Variants in KIF22 observed in about 807,000 individuals in gnomAD.
KIF22 encodes kinesin-like protein KIF22.
A neutral mutation model predicts 73.0 loss-of-function variants in KIF22; 62 were observed. That is an observed-to-expected ratio of 0.85 (90% CI 0.69 to 1.05). KIF22 has a LOEUF of 1.05. Among genes scored for constraint, KIF22 ranks in the 50% least tolerant of loss-of-function variants. KIF22 has a pLI of 0.00. For synonymous variants in KIF22, 411 were observed against 340.1 expected (o/e 1.21, Z -2.29); for missense variants, 854 against 870.1 (o/e 0.98, Z 0.23).
intron 1 of KIF22, chr16:29,792,545 G>A: frequency 3.5e-6 from 1 of 284,902 alleles, no homozygotes; most frequent in Non-Finnish European, 5.3e-6. Flanking sequence ...TCTCACAGTT[G>A]GCAGTCAGGT....
chr16:29,799,810 A>G (rs1016053705), intron 7 of KIF22, 29 bp downstream of exon 7: 2 of 1,613,506 alleles, frequency 1.2e-6, no homozygotes, highest in Admixed American at 3.3e-5. Flanking sequence ...AGGAGTGGAA[A>G]CGCTGGGTCT....
rs1228119141 is a variant in KIF22, at chr16:29,798,386, C to T, written c.279C>T (p.Phe93=). The change falls in exon 3 of 14, where the codon TTC becomes TTT. Residue 93 remains phenylalanine (F), a synonymous_variant. Coordinates refer to ENST00000160827, the MANE Select transcript of KIF22 (RefSeq NM_007317.3). This position sits in a 1 kb window ranked among gnomAD's most constrained non-coding sequence, Gnocchi z 4.1. ...TTTCTTCCTGCAGGTTTGATGCCTT[C>T]TATGGGGAGAGGAGTACTCAGCAGG... The part of the protein sequence containing the change: ...QETLKYQFDA[F]YGERSTQQDI... 2 of 1,450,812 alleles carry T rather than the reference C, an allele frequency of 1.4e-6. No homozygotes were observed. Among genetic ancestry groups the T allele is most frequent in the South Asian group, 1.1e-5 (1 of 89,224 alleles). 89.9% of individuals were successfully genotyped at this position (1,450,812 alleles called of 1,614,324 possible).
chr16:29,803,700 T>C lies in KIF22; in HGVS notation c.1609+92T>C, dbSNP rs1194699415. Reference sequence around the variant, plus strand: ...AGCAGCTGTCTCCATGTCATTCATATTCTCCCACCACATACCAGTCCCAGG... The same window carrying C: ...AGCAGCTGTCTCCATGTCATTCATACTCTCCCACCACATACCAGTCCCAGG... On this transcript the variant is annotated intron_variant, in intron 10 of 13. Coordinates refer to ENST00000160827, the MANE Select transcript of KIF22 (RefSeq NM_007317.3). The C allele has an allele frequency of 5.5e-6, 6 of 1,085,128 alleles. No individual in the cohort carries two copies. In the African/African-American group the frequency reaches 9.5e-5, roughly 17 times the overall value. The allele number at this position is 1,085,128 out of a possible 1,614,324, so 67.2% of individuals were successfully genotyped here. A position where few individuals can be genotyped will look rare whatever the true frequency, so the allele number is the denominator to read the frequency against.
Position 29,798,233 on chromosome 16 carries a change from A to AG in KIF22, c.267-137dup. ...GCTTTTTAAGGTCTTTGTACAAGAA[A>AG]GGGGATAGAGACGTTCTCTTAAATC... On this transcript the variant is annotated intron_variant, in intron 2 of 13. Transcript: ENST00000160827. The surrounding 1 kb of genome is among the most constrained non-coding windows in gnomAD (Gnocchi z 4.1). 1 of 1,442,814 alleles carries AG rather than the reference A, an allele frequency of 6.9e-7. No individual in the cohort carries two copies. The highest frequency in any genetic ancestry group is 9.1e-7 in the Non-Finnish European group (1 of 1,094,042). 89.4% of individuals were successfully genotyped at this position (1,442,814 alleles called of 1,614,324 possible).
At chr16:29,805,208 C>G in intron 13 of KIF22, 34 bp downstream of exon 13, 1 of 1,614,114 alleles carries the variant, frequency 6.2e-7, no homozygotes, top group South Asian at 1.1e-5. Context: ...CTCTGCCTGT[C>G]CTGCGCCCCG....
At chr16:29,804,173 C>T in intron 11 of KIF22, 108 bp downstream of exon 11, 1 of 854,654 alleles carries the variant, frequency 1.2e-6, no homozygotes, top group Non-Finnish European at 2.0e-6. Context: ...GGATGATGGC[C>T]GCCAGCTACT....
chr16:29,799,998 C>G lies in KIF22; in HGVS notation c.1230C>G (p.Ile410Met), dbSNP rs235648. 2.7e-5 allele frequency: 43 copies of G among 1,613,962 alleles called. 2 individuals carry two copies. In the South Asian group the frequency reaches 4.5e-4, roughly 17 times the overall value. The part of the protein sequence containing the change: ...KRARGPEEEE[I>M]GSPEPMAAPA... ...CCCGAGGCCCTGAGGAAGAGGAGAT[C>G]GGGAGCCCTGAGCCCATGGCAGCTC... is the stretch of plus-strand genomic sequence containing the variant. Residue 410 changes from isoleucine (I) to methionine (M), a missense_variant, in exon 8 of 14, where the codon ATC becomes ATG. By Grantham distance (10) the Ile-to-Met change is conservative. This residue lies in a region of KIF22 where 423 missense variants were observed against 365.4 expected (regional missense o/e 1.16). Coordinates refer to ENST00000160827, the MANE Select transcript of KIF22 (RefSeq NM_007317.3).
chr16:29,790,928 G>A, intron 1 of KIF22, 99 bp downstream of exon 1: 1 of 1,527,898 alleles, frequency 6.5e-7, no homozygotes, highest in South Asian at 1.2e-5. Flanking sequence ...TTGTCGCGGA[G>A]AGGCGGCCAT....
rs1346547086 is a variant in KIF22, at chr16:29,798,264, T to C, written c.267-110T>C. The C allele has an allele frequency of 1.0e-5, 16 of 1,524,156 alleles. No homozygotes were observed. Among genetic ancestry groups the C allele is most frequent in the Non-Finnish European group, 1.4e-5 (16 of 1,141,830 alleles). The allele number at this position is 1,524,156 out of a possible 1,614,324, so 94.4% of individuals were successfully genotyped here. ...TAGAGACGTTCTCTTAAATCCAAGG[T>C]CCAGATGAGAGTAGAATCCCTTACC... On this transcript the variant is annotated intron_variant, in intron 2 of 13. Transcript: ENST00000160827. The surrounding 1 kb of genome is among the most constrained non-coding windows in gnomAD (Gnocchi z 4.1).
At position 29,805,118 on chromosome 16, in the gene KIF22, G is replaced by A. The variant is rs370766632; in HGVS notation, c.1894G>A (p.Glu632Lys). 1.9e-6 allele frequency: 3 copies of A among 1,613,664 alleles called. No homozygotes were observed. Among genetic ancestry groups the A allele is most frequent in the Non-Finnish European group, 2.5e-6 (3 of 1,179,996 alleles). Residue 632 changes from glutamate (E) to lysine (K), a missense_variant, in exon 13 of 14, where the codon GAG becomes AAG. Physicochemically the swap from Glu to Lys is moderately conservative, Grantham distance 56 (BLOSUM62 1). Around this residue, in one of 3 missense-constraint regions of KIF22, gnomAD observed 423 missense variants for 365.4 expected, o/e 1.16. Transcript: ENST00000160827. ...CCTATCGATCCTGTCCCGCCAGGTG[G>A]AGGACCTGGAACGCGTGGAGGGCAT... The part of the protein sequence containing the change: ...RELHGPFSQV[E>K]DLERVEGITG...
At chr16:29,791,287 C>T (rs1000392185) in intron 1 of KIF22, 61 of 986,810 alleles carry the variant, frequency 6.2e-5, no homozygotes, top group Non-Finnish European at 7.2e-5. Context: ...CTGAGAGATG[C>T]AAGAGGACGG....
intron 1 of KIF22, among the ~76,000 whole-genome samples, chr16:29,792,734 A>T (rs1239784455): frequency 6.6e-6 from 1 of 152,154 alleles, no homozygotes; most frequent in African/African-American, 2.4e-5. Context: ...GTGGGGAGCA[A>T]TGCAGATATT....
intron 8 of KIF22, among the ~76,000 whole-genome samples, chr16:29,800,466 T>C (rs1333172982): frequency 2.8e-5 from 4 of 144,618 alleles, no homozygotes; most frequent in African/African-American, 5.2e-5. Flanking sequence ...TCAAAGTAAA[T>C]AAGTGAATTC....
intron 1 of KIF22, chr16:29,792,511 A>G: frequency 1.8e-6 from 1 of 559,394 alleles, no homozygotes; most frequent in Non-Finnish European, 2.3e-6. Context: ...TTGGGGTTAG[A>G]AAGGTGAGCA....
In KIF22 at chr16:29,799,075, G is replaced by A. The variant is rs1384653035; in HGVS notation, c.650G>A (p.Ser217Asn). 6.2e-7 allele frequency: 1 copy of A among 1,614,178 alleles called. No individual in the cohort carries two copies. Among genetic ancestry groups the A allele is most frequent in the Non-Finnish European group, 8.5e-7 (1 of 1,180,022 alleles). ...IPGLSQKPISSFADFERHFLP... is the reference protein window; with the variant it reads ...IPGLSQKPISNFADFERHFLP... ...GGTCTCTCCCAGAAGCCCATCAGTAGCTTTGCTGATTTTGAGCGGCACTTC... is the reference window on the plus strand; with the variant it reads ...GGTCTCTCCCAGAAGCCCATCAGTAACTTTGCTGATTTTGAGCGGCACTTC... Residue 217 changes from serine to asparagine, a missense_variant, in exon 5 of 14, where the codon AGC becomes AAC. Physicochemically the swap from Ser to Asn is conservative, Grantham distance 46 (BLOSUM62 1). Coordinates refer to ENST00000160827, the MANE Select transcript of KIF22 (RefSeq NM_007317.3).
chr16:29,790,921 T>C, intron 1 of KIF22, 92 bp downstream of exon 1: 1 of 1,527,514 alleles, frequency 6.5e-7, no homozygotes, highest in South Asian at 1.2e-5. Flanking sequence ...CTGCGGGTTG[T>C]CGCGGAGAGG....
In KIF22 at chr16:29,805,207, T is replaced by TCCTGCGC. The variant is rs1433812527; in HGVS notation, c.1950+36_1950+42dup. 2.5e-6 allele frequency: 4 copies of TCCTGCGC among 1,613,976 alleles called. No individual in the cohort carries two copies. The African/African-American group carries it at 4.0e-5, about 16-fold the overall frequency. On this transcript the variant is annotated intron_variant, in intron 13 of 13. Coordinates refer to ENST00000160827, the MANE Select transcript of KIF22 (RefSeq NM_007317.3). ...CACGGCCCTGCCCCTCCTCTGCCTGTCCTGCGCCCCGCGCCCCTCTCTAAC... is the reference window on the plus strand; with the variant it reads ...CACGGCCCTGCCCCTCCTCTGCCTGTCCTGCGCCCTGCGCCCCGCGCCCCTCTCTAAC...
chr16:29,798,904 A>G lies in KIF22; in HGVS notation c.550-71A>G. Reference sequence around the variant, plus strand: ...TACAACTCCGAGAATAGAACAGAGAAAGGAAACTGATCCCCAGGAAGAAAC... The same window carrying G: ...TACAACTCCGAGAATAGAACAGAGAGAGGAAACTGATCCCCAGGAAGAAAC... On this transcript the variant is annotated intron_variant, in intron 4 of 13. Transcript: ENST00000160827. The surrounding 1 kb of genome is among the most constrained non-coding windows in gnomAD (Gnocchi z 4.1). The G allele has an allele frequency of 6.4e-7, 1 of 1,563,356 alleles. No homozygotes were observed. The highest frequency in any genetic ancestry group is 1.1e-5 in the South Asian group (1 of 89,742).
At position 29,801,608 on chromosome 16, in the gene KIF22, T is replaced by C. The variant is rs540051895; in HGVS notation, c.1281-1161T>C. ...AAGGGGAAGCTCAGAGTTGGGCACA[T>C]CAAACCCAGCAGACCCAGAGCTTGG... On this transcript the variant is annotated intron_variant, in intron 8 of 13. Transcript: ENST00000160827. Among the ~76,000 whole-genome samples, 3 of 152,160 alleles carry C rather than the reference T, an allele frequency of 2.0e-5. No homozygotes were observed. In the South Asian group the frequency reaches 6.2e-4, roughly 32 times the overall value.
Sources: allele counts gnomAD v4.1 joint callset (sites outside exome capture counted in the v4.1 genomes callset), GRCh38; gene constraint gnomAD v4.1.1; regional missense constraint gnomAD v4.1.1; non-coding constraint Gnocchi (gnomAD v3.1); transcripts MANE v1.5; gene names NCBI Gene and HGNC (gene_info 2026-07-23, HGNC 2026-07-21).